The following RASGRF2 variants were observed in gnomAD, a reference collection of about 807,000 sequenced individuals.
The protein encoded by RASGRF2 is Ras protein specific guanine nucleotide releasing factor 2.
A neutral mutation model predicts 151.0 loss-of-function variants in RASGRF2; 76 were observed. That is an observed-to-expected ratio of 0.50 (90% CI 0.42 to 0.61). The LOEUF (loss-of-function observed/expected upper bound fraction) is 0.61, where lower values mean the gene tolerates loss of function less well. Among genes scored for constraint, RASGRF2 ranks in the 20% least tolerant of loss-of-function variants. The pLI is 0.00. For synonymous variants in RASGRF2, 504 were observed against 566.5 expected (o/e 0.89, Z 1.57); for missense variants, 1,148 against 1,564.6 (o/e 0.73, Z 4.49).
intron 1 of RASGRF2, among the ~76,000 whole-genome samples, chr5:80,980,681 C>T (rs1420128948): frequency 6.6e-6 from 1 of 151,234 alleles, no homozygotes; most frequent in African/African-American, 2.4e-5. Context: ...GAGGATACCA[C>T]TGATTTCTTA....
chr5:81,104,421 G>A (rs987073137), intron 12 of RASGRF2, among the ~76,000 whole-genome samples: 7 of 151,794 alleles, frequency 4.6e-5, no homozygotes, highest in Non-Finnish European at 7.4e-5. Context: ...TTCCTATTTC[G>A]TAGATGAATA....
intron 1 of RASGRF2, among the ~76,000 whole-genome samples, chr5:81,001,464 A>T (rs975046272): frequency 1.3e-5 from 2 of 151,974 alleles, no homozygotes; most frequent in Non-Finnish European, 2.9e-5. Flanking sequence ...TCCTTTTTAC[A>T]TGTAAGTATG....
At chr5:81,038,534 A>T (rs1750577821) in intron 1 of RASGRF2, among the ~76,000 whole-genome samples, 1 of 138,382 alleles carries the variant, frequency 7.2e-6, no homozygotes, top group African/African-American at 2.6e-5. Context: ...ATTTATATTG[A>T]GTTTTAAAAA....
intron 17 of RASGRF2, 63 bp downstream of exon 17, chr5:81,127,226 C>A: frequency 6.7e-7 from 1 of 1,498,544 alleles, no homozygotes; most frequent in South Asian, 1.2e-5. Flanking sequence ...TGGCCCGTGT[C>A]TGCCAGTGTC....
At chr5:81,119,080 A>G (rs1201916911) in intron 15 of RASGRF2, among the ~76,000 whole-genome samples, 1 of 152,218 alleles carries the variant, frequency 6.6e-6, no homozygotes, top group Non-Finnish European at 1.5e-5. Context: ...TAGTAGCATC[A>G]TCCTTAACGC....
chr5:81,039,155 A>G (rs1378614431), intron 1 of RASGRF2, among the ~76,000 whole-genome samples: 1 of 152,174 alleles, frequency 6.6e-6, no homozygotes, highest in Non-Finnish European at 1.5e-5. Context: ...GAATTAGATA[A>G]TAACATTTTC....
At chr5:81,107,994 G>T (rs761663488) in intron 12 of RASGRF2, among the ~76,000 whole-genome samples, 11 of 152,228 alleles carry the variant, frequency 7.2e-5, no homozygotes, top group Non-Finnish European at 1.3e-4. Context: ...AGACTGAATA[G>T]TCAGAATTCC....
At chr5:80,978,334 T>A (rs1216698962) in intron 1 of RASGRF2, among the ~76,000 whole-genome samples, 1 of 152,198 alleles carries the variant, frequency 6.6e-6, no homozygotes, top group East Asian at 1.9e-4. Flanking sequence ...ATAAAAGTAA[T>A]GTCTATCATG....
intron 9 of RASGRF2, 101 bp downstream of exon 9, chr5:81,087,054 G>T (rs545440868): frequency 9.3e-6 from 10 of 1,076,182 alleles, no homozygotes; most frequent in Non-Finnish European, 1.4e-5. Flanking sequence ...TGACGGGTGC[G>T]GTGCCCGAAG....
At chr5:81,209,204 A>C (rs148462637) in intron 22 of RASGRF2, among the ~76,000 whole-genome samples, 1 of 152,116 alleles carries the variant, frequency 6.6e-6, no homozygotes, top group Non-Finnish European at 1.5e-5. Context: ...TTGTTGCTAT[A>C]GTTCTGTGCA....
chr5:81,060,540 T>C (rs1463574597), intron 2 of RASGRF2, among the ~76,000 whole-genome samples: 1 of 152,310 alleles, frequency 6.6e-6, no homozygotes, highest in East Asian at 1.9e-4. Flanking sequence ...ATTAATGTTG[T>C]CTTTCTCTCT....
At position 81,122,041 on chromosome 5, in the gene RASGRF2, G is replaced by A. The variant is rs543418999; in HGVS notation, c.2471-1601G>A. Among the ~76,000 whole-genome samples the A allele has an allele frequency of 3.3e-5, 5 of 152,286 alleles. No homozygotes were observed. In the South Asian group the frequency reaches 6.2e-4, roughly 19 times the overall value. ...TCCTGCAGGCAAAGCTGTTTGCAAG[G>A]AGCCTGATCAAAAGTGAATATGCCA... On this transcript the variant is annotated intron_variant, in intron 15 of 26. Transcript: ENST00000265080.
Position 81,123,782 on chromosome 5 carries a change from G to C in RASGRF2, c.2596+15G>C, listed in dbSNP as rs368806665. Reference sequence around the variant, plus strand: ...ACAGCCTGGAGGTAAGAGCTCAAGAGGGACTCAGAAATAGAAACGTGAAAA... The same window carrying C: ...ACAGCCTGGAGGTAAGAGCTCAAGACGGACTCAGAAATAGAAACGTGAAAA... On this transcript the variant is annotated intron_variant, in intron 16 of 26. Coordinates refer to ENST00000265080, the MANE Select transcript of RASGRF2 (RefSeq NM_006909.3). 61 of 1,605,816 alleles carry C rather than the reference G, an allele frequency of 3.8e-5. No individual in the cohort carries two copies. Among genetic ancestry groups the C allele is most frequent in the Middle Eastern group, 3.4e-4 (2 of 5,916 alleles).
At chr5:81,193,837 A>G (rs1476848263) in intron 18 of RASGRF2, among the ~76,000 whole-genome samples, 2 of 152,162 alleles carry the variant, frequency 1.3e-5, no homozygotes, top group Non-Finnish European at 2.9e-5. Flanking sequence ...CTTTATCTCA[A>G]GAGGTTGAGT....
chr5:81,024,624 C>A (rs1013563366), intron 1 of RASGRF2, among the ~76,000 whole-genome samples: 2 of 152,078 alleles, frequency 1.3e-5, no homozygotes, highest in Non-Finnish European at 2.9e-5. Context: ...AACTGTCATA[C>A]GGAATAAGCA....
intron 17 of RASGRF2, among the ~76,000 whole-genome samples, chr5:81,129,994 C>G (rs765639381): frequency 5.3e-5 from 8 of 152,184 alleles, no homozygotes; most frequent in Non-Finnish European, 1.0e-4. Flanking sequence ...GGCTTTCTGA[C>G]TAGCTTTCCC....
intron 4 of RASGRF2, among the ~76,000 whole-genome samples, chr5:81,072,125 G>A (rs148332173): frequency 6.6e-6 from 1 of 152,090 alleles, no homozygotes; most frequent in African/African-American, 2.4e-5. Flanking sequence ...TGAATGAATC[G>A]TTTCTCTATT....
At chr5:81,091,753 C>T (rs2112498791) in intron 9 of RASGRF2, among the ~76,000 whole-genome samples, 1 of 152,064 alleles carries the variant, frequency 6.6e-6, no homozygotes, top group Non-Finnish European at 1.5e-5. Flanking sequence ...TTAAAAAAAT[C>T]AAGAAGCTAG....
At position 81,092,796 on chromosome 5, in the gene RASGRF2, A is replaced by G; in HGVS notation, c.1391-5A>G. 1 of 1,608,712 alleles carries G rather than the reference A, an allele frequency of 6.2e-7. No homozygotes were observed. Among genetic ancestry groups the G allele is most frequent in the Non-Finnish European group, 8.5e-7 (1 of 1,177,640 alleles). ...CTGTGTATTCTTCATTTTTGTAATC[A>G]CCAGGTTCTCTTATTCAAGTACCTT... On this transcript the variant is annotated splice_region_variant and splice_polypyrimidine_tract_variant and intron_variant, in intron 9 of 26. Coordinates refer to ENST00000265080, the MANE Select transcript of RASGRF2 (RefSeq NM_006909.3).
Sources: allele counts gnomAD v4.1 joint callset (sites outside exome capture counted in the v4.1 genomes callset), GRCh38; gene constraint gnomAD v4.1.1; transcripts MANE v1.5; gene names NCBI Gene and HGNC (gene_info 2026-07-23, HGNC 2026-07-21).